Variants in MYLK observed in about 807,000 individuals in gnomAD.
MYLK encodes the protein myosin light chain kinase, also known as myosin light chain kinase, smooth muscle.
In MYLK, 106 loss-of-function variants were observed where a neutral mutation model predicts 203.4. The ratio of observed to expected loss-of-function variants is 0.52; its 90% CI spans 0.45 to 0.61. The LOEUF (loss-of-function observed/expected upper bound fraction) is 0.61. MYLK is among the 20% of genes least tolerant of loss of function. The probability of loss-of-function intolerance (pLI) is 0.00; values close to 1 mark genes in which losing one functional copy is unlikely to be tolerated. For missense variants in MYLK, 2,072 were observed against 2,442.3 expected (o/e 0.85, Z 3.20); for synonymous variants, 867 against 959.5 (o/e 0.90, Z 1.78).
intron 4 of MYLK, among the ~76,000 whole-genome samples, chr3:123,760,451 T>G (rs942398650): frequency 3.9e-5 from 6 of 152,230 alleles, no homozygotes; most frequent in Non-Finnish European, 5.9e-5. Context: ...GTGCTGGGAT[T>G]ACAGGCATGA....
intron 4 of MYLK, among the ~76,000 whole-genome samples, chr3:123,762,902 T>C (rs1162288042): frequency 3.3e-5 from 5 of 152,204 alleles, no homozygotes; most frequent in Non-Finnish European, 7.3e-5. Flanking sequence ...TGTTTATAAA[T>C]TACTCGGTCT....
intron 16 of MYLK, among the ~76,000 whole-genome samples, chr3:123,702,779 G>A (rs531308870): frequency 1.3e-5 from 2 of 152,268 alleles, no homozygotes; most frequent in East Asian, 1.9e-4. Context: ...GCTTGAGCTC[G>A]CACGTTTGAC....
At chr3:123,818,627 T>A (rs192096097) in intron 3 of MYLK, among the ~76,000 whole-genome samples, 2 of 151,630 alleles carry the variant, frequency 1.3e-5, no homozygotes, top group African/African-American at 4.8e-5. Context: ...AAGGCAGAGG[T>A]TGTAGTGAGC....
chr3:123,783,003 C>T (rs1194042784), intron 4 of MYLK, among the ~76,000 whole-genome samples: 3 of 152,198 alleles, frequency 2.0e-5, no homozygotes, highest in Non-Finnish European at 4.4e-5. Context: ...TATTCACACG[C>T]ATTTTCATTT....
chr3:123,847,752 ACT>A (rs2030209950), intron 2 of MYLK, among the ~76,000 whole-genome samples: 1 of 152,034 alleles, frequency 6.6e-6, no homozygotes, highest in African/African-American at 2.4e-5. Flanking sequence ...CCTTTCACAA[ACT>A]CTACTTAATC....
chr3:123,742,681 T>C (rs1339612268), intron 5 of MYLK, among the ~76,000 whole-genome samples: 1 of 152,194 alleles, frequency 6.6e-6, no homozygotes, highest in African/African-American at 2.4e-5. Context: ...CACACTACTG[T>C]ATCACTCATT....
chr3:123,811,871 C>A (rs1354718520), intron 3 of MYLK, among the ~76,000 whole-genome samples: 1 of 152,182 alleles, frequency 6.6e-6, no homozygotes, highest in African/African-American at 2.4e-5. Context: ...ACTTCACATA[C>A]TTATTTGTAT....
chr3:123,746,487 T>C (rs972169538), intron 5 of MYLK, among the ~76,000 whole-genome samples: 4 of 151,704 alleles, frequency 2.6e-5, no homozygotes, highest in Non-Finnish European at 5.9e-5. Flanking sequence ...AAGGGCAACC[T>C]GTGTGTATTT....
chr3:123,877,142 C>A (rs2033200981), intron 1 of MYLK, among the ~76,000 whole-genome samples: 1 of 152,232 alleles, frequency 6.6e-6, no homozygotes, highest in South Asian at 2.1e-4. Flanking sequence ...AGGATGAACT[C>A]ACAGTCACAG....
At chr3:123,734,994 C>T (rs1355913317) in intron 9 of MYLK, 1 of 326,792 alleles carries the variant, frequency 3.1e-6, no homozygotes, top group Non-Finnish European at 6.0e-6. Flanking sequence ...CTACGCCCAC[C>T]CCTGCACATC....
At chr3:123,703,719 C>T (rs66912595) in intron 16 of MYLK, among the ~76,000 whole-genome samples, 11,116 of 152,258 alleles carry the variant, frequency 0.073, 1,236 homozygotes, top group East Asian at 0.49. Flanking sequence ...AGGCTGCTGG[C>T]CAGTGTCAGG....
At position 123,613,598 on chromosome 3, in the gene MYLK, G is replaced by A. The variant is rs530192783; in HGVS notation, c.*507C>T. On this transcript the variant is annotated 3_prime_UTR_variant, in exon 34 of 34. Coordinates refer to ENST00000360304, the MANE Select transcript of MYLK (RefSeq NM_053025.4). ...AATGGAGAGTTTGAACATCTGCAGTGTACTTTGGAATAAAGTGGCTCAACT... is the reference window on the plus strand; with the variant it reads ...AATGGAGAGTTTGAACATCTGCAGTATACTTTGGAATAAAGTGGCTCAACT... 10 of 190,962 alleles carry A rather than the reference G, an allele frequency of 5.2e-5. No individual in the cohort carries two copies. Among genetic ancestry groups the A allele is most frequent in the Non-Finnish European group, 8.7e-5 (8 of 91,722 alleles). 11.8% of individuals were successfully genotyped at this position (190,962 alleles called of 1,614,324 possible). A position where few individuals can be genotyped will look rare whatever the true frequency, so the allele number is the denominator to read the frequency against.
chr3:123,707,646 C>T, intron 16 of MYLK, 108 bp downstream of exon 16: 2 of 1,573,200 alleles, frequency 1.3e-6, no homozygotes, highest in East Asian at 2.2e-5. Context: ...CCTGGAAGTC[C>T]AAGCCCCACA....
chr3:123,613,296 C>T lies in MYLK; in HGVS notation c.*809G>A, dbSNP rs1257506008. On this transcript the variant is annotated 3_prime_UTR_variant, in exon 34 of 34. Transcript: ENST00000360304. ...TCAGAGCTGATATTCTATAACAGCACAAATAAGAATCCTGGTTTACAAAGG... is the reference window on the plus strand; with the variant it reads ...TCAGAGCTGATATTCTATAACAGCATAAATAAGAATCCTGGTTTACAAAGG... The T allele has an allele frequency of 2.0e-5, 3 of 151,674 alleles. No individual in the cohort carries two copies. The highest frequency in any genetic ancestry group is 4.4e-5 in the Non-Finnish European group (3 of 67,972). The allele number at this position is 151,674 out of a possible 1,614,324, so 9.4% of individuals were successfully genotyped here.
intron 4 of MYLK, among the ~76,000 whole-genome samples, chr3:123,790,017 A>C (rs1368911959): frequency 1.3e-5 from 2 of 152,164 alleles, no homozygotes; most frequent in Non-Finnish European, 2.9e-5. Context: ...TGTGTGAATC[A>C]CTGCAAAGAT....
intron 1 of MYLK, among the ~76,000 whole-genome samples, chr3:123,882,482 G>C (rs2033603441): frequency 6.6e-6 from 1 of 152,172 alleles, no homozygotes; most frequent in Non-Finnish European, 1.5e-5. Context: ...CTCCTCCTCA[G>C]CTAGCCAGTT....
intron 32 of MYLK, among the ~76,000 whole-genome samples, chr3:123,619,897 A>G (rs1467093539): frequency 6.6e-6 from 1 of 152,222 alleles, no homozygotes; most frequent in Non-Finnish European, 1.5e-5. Flanking sequence ...CATAAGAACA[A>G]AAGAAGATTT....
intron 4 of MYLK, among the ~76,000 whole-genome samples, chr3:123,789,255 G>A (rs59516706): frequency 2.0e-5 from 3 of 152,096 alleles, no homozygotes; most frequent in South Asian, 2.1e-4. Flanking sequence ...TACTAGGCAC[G>A]TGAGCAGAAC....
chr3:123,848,564 G>C (rs1453440609), intron 2 of MYLK, among the ~76,000 whole-genome samples: 5 of 152,070 alleles, frequency 3.3e-5, no homozygotes, highest in African/African-American at 9.7e-5. Flanking sequence ...ACTGCCAAAT[G>C]ACACAGTTCT....
Sources: gnomAD v4.1 joint callset for allele counts (sites outside exome capture counted in the v4.1 genomes callset) on GRCh38, gnomAD v4.1.1 for gene constraint, MANE v1.5 for transcripts, NCBI Gene and HGNC (gene_info 2026-07-23, HGNC 2026-07-21) for gene names.